SAMMSON: variants seen among roughly 807,000 people sequenced by gnomAD.
SAMMSON encodes the protein survival associated mitochondrial melanoma specific oncogenic non-coding RNA.
At position 70,386,453 on chromosome 3, in the gene SAMMSON, C is replaced by T. The variant is rs1479980654; in HGVS notation, n.914-3121C>T. Among the ~76,000 whole-genome samples the T allele has an allele frequency of 2.0e-5, 3 of 151,956 alleles. No homozygotes were observed. The South Asian group carries it at 6.2e-4, about 32-fold the overall frequency. The stretch of plus-strand genomic sequence containing the variant: ...TATGTAAAATGAAAAAAAATAAATT[C>T]ATTTGAACTTTAATGCATAGAATAT... On this transcript the variant is annotated intron_variant and non_coding_transcript_variant, in intron 9 of 9. Transcript: ENST00000642114.
intron 4 of SAMMSON, among the ~76,000 whole-genome samples, chr3:70,138,671 C>A (rs1365709851): frequency 1.3e-5 from 2 of 152,186 alleles, no homozygotes; most frequent in South Asian, 2.1e-4. Flanking sequence ...CAATAGCCCC[C>A]AAAGTCTTAT....
chr3:70,052,207 T>C (rs1354489682), intron 3 of SAMMSON, among the ~76,000 whole-genome samples: 2 of 152,142 alleles, frequency 1.3e-5, no homozygotes, highest in Non-Finnish European at 2.9e-5. Flanking sequence ...AATAAAGTAT[T>C]ACCCACAAGA....
intron 3 of SAMMSON, among the ~76,000 whole-genome samples, chr3:70,064,332 TTTACAC>T (rs1255603482): frequency 6.6e-6 from 1 of 152,146 alleles, no homozygotes; most frequent in Non-Finnish European, 1.5e-5. Context: ...AATCTGGGAC[TTTACAC>T]TTTAATTAAG....
At chr3:70,166,194 T>A (rs1559526633) in intron 4 of SAMMSON, among the ~76,000 whole-genome samples, 8 of 151,994 alleles carry the variant, frequency 5.3e-5, no homozygotes. Context: ...TGCAGTATGA[T>A]ATTAGGCAGG....
At chr3:70,398,609 TC>T (rs1701112216) in intron 2 of SAMMSON, among the ~76,000 whole-genome samples, 1 of 152,222 alleles carries the variant, frequency 6.6e-6, no homozygotes, top group South Asian at 2.1e-4. Flanking sequence ...TTAAAATAGT[TC>T]ATTATAAAAT....
intron 4 of SAMMSON, among the ~76,000 whole-genome samples, chr3:70,118,075 C>T (rs375159658): frequency 3.7e-4 from 57 of 152,068 alleles, no homozygotes; most frequent in East Asian, 1.4e-3. Flanking sequence ...CCCACCACCA[C>T]GCCCGGCTAA....
chr3:70,044,801 T>C (rs1386393981), intron 3 of SAMMSON, among the ~76,000 whole-genome samples: 1 of 150,006 alleles, frequency 6.7e-6, no homozygotes, highest in Admixed American at 6.7e-5. Context: ...AAATCTATAC[T>C]TCACATAAAA....
chr3:70,024,751 C>G (rs1304313314), intron 3 of SAMMSON: 2 of 152,178 alleles, frequency 1.3e-5, no homozygotes, highest in Non-Finnish European at 2.9e-5. Context: ...CCAAGAAAGG[C>G]TTTTTGCTTT....
intron 3 of SAMMSON, among the ~76,000 whole-genome samples, chr3:70,051,763 T>C (rs555982590): frequency 2.0e-4 from 31 of 151,910 alleles, no homozygotes; most frequent in Non-Finnish European, 3.8e-4. Flanking sequence ...AGTTCTGACA[T>C]TTAATTTCTT....
intron 7 of SAMMSON, among the ~76,000 whole-genome samples, chr3:70,296,833 T>C (rs936284383): frequency 1.3e-5 from 2 of 152,114 alleles, no homozygotes; most frequent in African/African-American, 4.8e-5. Context: ...AGTGGTTTTT[T>C]TAAAAGGCAT....
Position 70,132,914 on chromosome 3 carries a change from G to A in SAMMSON, n.507+61349G>A, listed in dbSNP as rs191844784. ...ATAAAGGCAAATGTACATTCCCATCGCTGACTTAGACATGAGTGTTTGCTA... is the reference window on the plus strand; with the variant it reads ...ATAAAGGCAAATGTACATTCCCATCACTGACTTAGACATGAGTGTTTGCTA... On this transcript the variant is annotated intron_variant and non_coding_transcript_variant, in intron 4 of 9. Transcript: ENST00000642114. Among the ~76,000 whole-genome samples, 8 of 152,106 alleles carry A rather than the reference G, an allele frequency of 5.3e-5. No homozygotes were observed. In the East Asian group the frequency reaches 9.7e-4, roughly 18 times the overall value.
At chr3:70,424,162 A>G (rs976552261) in intron 2 of SAMMSON, among the ~76,000 whole-genome samples, 1 of 152,186 alleles carries the variant, frequency 6.6e-6, no homozygotes, top group African/African-American at 2.4e-5. Context: ...TTAAACTGAA[A>G]ATCTCCTTTG....
intron 9 of SAMMSON, among the ~76,000 whole-genome samples, chr3:70,378,767 A>C (rs1703040904): frequency 6.6e-6 from 1 of 152,094 alleles, no homozygotes; most frequent in Admixed American, 6.5e-5. Flanking sequence ...ATGAAATGAC[A>C]TACACATAAG....
chr3:70,400,254 A>C (rs952431633), intron 2 of SAMMSON, among the ~76,000 whole-genome samples: 4 of 152,184 alleles, frequency 2.6e-5, no homozygotes, highest in Admixed American at 2.6e-4. Context: ...ATTGATGTTG[A>C]ATTTTGACCC....
chr3:70,264,319 T>C (rs893421443), intron 6 of SAMMSON, among the ~76,000 whole-genome samples: 24 of 152,314 alleles, frequency 1.6e-4, no homozygotes, highest in African/African-American at 5.1e-4. Context: ...ATGCAGGCCT[T>C]TATCACGTTT....
At position 70,210,884 on chromosome 3, in the gene SAMMSON, GT is replaced by G. The variant is rs1216594594; in HGVS notation, n.508-38218del. The stretch of plus-strand genomic sequence containing the variant: ...AGAGAAAAGATAGACAGCTAGTTAA[GT>G]TTTTATTACTGTTGAGCAAATGTTA... On this transcript the variant is annotated intron_variant and non_coding_transcript_variant, in intron 4 of 9. Transcript: ENST00000642114. Among the ~76,000 whole-genome samples the G allele has an allele frequency of 2.0e-5, 3 of 152,006 alleles. No individual in the cohort carries two copies. In the East Asian group the frequency reaches 5.8e-4, roughly 29 times the overall value.
At chr3:70,431,432 A>G (rs151095778) in intron 2 of SAMMSON, among the ~76,000 whole-genome samples, 11 of 152,092 alleles carry the variant, frequency 7.2e-5, no homozygotes, top group African/African-American at 2.4e-4. Flanking sequence ...GTGTATATTA[A>G]TATAGAATGA....
At chr3:70,066,051 G>T (rs2067209615) in intron 3 of SAMMSON, among the ~76,000 whole-genome samples, 1 of 152,026 alleles carries the variant, frequency 6.6e-6, no homozygotes, top group Non-Finnish European at 1.5e-5. Flanking sequence ...TAGCCCTTAA[G>T]GAATTTATTT....
rs920104982 is a variant in SAMMSON, at chr3:70,163,664, G to A, written n.508-85443G>A. Among the ~76,000 whole-genome samples the A allele has an allele frequency of 2.6e-5, 4 of 151,904 alleles. No individual in the cohort carries two copies. In the East Asian group the frequency reaches 5.8e-4, roughly 22 times the overall value. On this transcript the variant is annotated intron_variant and non_coding_transcript_variant, in intron 4 of 9. Coordinates refer to ENST00000642114, the Ensembl canonical transcript of SAMMSON. Reference sequence around the variant, plus strand: ...GAGTCATAACAAAAAGCACATTTTAGGAATATTAGCCAGGCAGTGGCATGA... The same window carrying A: ...GAGTCATAACAAAAAGCACATTTTAAGAATATTAGCCAGGCAGTGGCATGA...
Sources: allele counts gnomAD v4.1 joint callset (sites outside exome capture counted in the v4.1 genomes callset), GRCh38; gene constraint gnomAD v4.1.1; transcripts MANE v1.5; gene names NCBI Gene and HGNC (gene_info 2026-07-23, HGNC 2026-07-21).